PMEPA1: variants seen among roughly 807,000 people sequenced by gnomAD.
PMEPA1 encodes the protein protein TMEPAI.
In PMEPA1, 11 loss-of-function variants were observed where a neutral mutation model predicts 23.0. That is an observed-to-expected ratio of 0.48 (90% CI 0.30 to 0.79). The LOEUF is 0.79. Among genes scored for constraint, PMEPA1 ranks in the 30% least tolerant of loss-of-function variants. The pLI, the probability that PMEPA1 is intolerant of heterozygous loss-of-function variation, is 0.06. For synonymous variants in PMEPA1, 204 were observed against 166.4 expected, an observed-to-expected ratio of 1.23 and a Z score of -1.74; for missense variants, 377 against 390.9, an observed-to-expected ratio of 0.96 and a Z score of 0.30.
rs1255065061 is a variant in PMEPA1 at position 57,709,456 on chromosome 20, G to A, written c.109+18C>T. The stretch of plus-strand genomic sequence containing the variant: ...AGCCCGATGGAGTCTCCGGGGAGGG[G>A]GGCGTGGGGTCACTCACTGATCTCC... On this transcript the variant is annotated intron_variant, in intron 1 of 3. Transcript: ENST00000341744. 9.1e-7 allele frequency: 1 copy of A among 1,102,622 alleles called. No individual in the cohort carries two copies. Among genetic ancestry groups the A allele is most frequent in the South Asian group, 3.3e-5 (1 of 30,416 alleles). The allele number at this position is 1,102,622 out of a possible 1,614,324, so 68.3% of individuals were successfully genotyped here. A position where few individuals can be genotyped will look rare whatever the true frequency, so the allele number is the denominator to read the frequency against.
chr20:57,690,609 G>A (rs1399523107), intron 1 of PMEPA1: 2 of 1,224,780 alleles, frequency 1.6e-6, no homozygotes, highest in Non-Finnish European at 2.1e-6. Flanking sequence ...CAAACAGGTG[G>A]CAGGGGCCTG....
chr20:57,657,599 G>A (rs1600775177), intron 2 of PMEPA1, among the ~76,000 whole-genome samples: 1 of 152,248 alleles, frequency 6.6e-6, no homozygotes, highest in South Asian at 2.1e-4. Flanking sequence ...GGGACGCACA[G>A]TGGGCCCCGG....
At position 57,682,352 on chromosome 20, in the gene PMEPA1, C is replaced by G. The variant is rs1048602844; in HGVS notation, c.110-22655G>C. ...TGTGTGACCTTGGGCAAGCTGTTCT[C>G]TGAGCCTCGGTGGTTTCATCCATAA... On this transcript the variant is annotated intron_variant, in intron 1 of 3. Coordinates refer to ENST00000341744, the MANE Select transcript of PMEPA1 (RefSeq NM_020182.5). The surrounding 1 kb of genome is among the most constrained non-coding windows in gnomAD (Gnocchi z 4.4). Among the ~76,000 whole-genome samples, 2 of 152,214 alleles carry G rather than the reference C, an allele frequency of 1.3e-5. No homozygotes were observed. The highest frequency in any genetic ancestry group is 4.8e-5 in the African/African-American group (2 of 41,460).
intron 1 of PMEPA1, among the ~76,000 whole-genome samples, chr20:57,661,924 ACC>A (rs2071424508): frequency 3.2e-5 from 3 of 94,120 alleles, no homozygotes; most frequent in African/African-American, 1.4e-4. Flanking sequence ...CATCTGTGCC[ACC>A]CTCAGCGCGC....
At chr20:57,662,983 C>A (rs1234857235) in intron 1 of PMEPA1, among the ~76,000 whole-genome samples, 1 of 152,202 alleles carries the variant, frequency 6.6e-6, no homozygotes, top group Admixed American at 6.5e-5. Context: ...TCACGGCTCT[C>A]CTGGCCCCGC....
intron 1 of PMEPA1, among the ~76,000 whole-genome samples, chr20:57,694,527 T>C (rs191569099): frequency 6.0e-4 from 92 of 152,360 alleles, no homozygotes; most frequent in African/African-American, 2.1e-3. Context: ...TTCGGGTTTA[T>C]AGATTTCTTG....
At chr20:57,685,992 G>A (rs1456530965) in intron 1 of PMEPA1, among the ~76,000 whole-genome samples, 1 of 151,984 alleles carries the variant, frequency 6.6e-6, no homozygotes, top group Non-Finnish European at 1.5e-5. Context: ...CAGGGTTGGA[G>A]GTGGGCTGGC....
chr20:57,700,691 C>CCCAAG (rs1359210059), intron 1 of PMEPA1, among the ~76,000 whole-genome samples: 1 of 152,156 alleles, frequency 6.6e-6, no homozygotes, highest in Non-Finnish European at 1.5e-5. Flanking sequence ...AGAGCCATTT[C>CCCAAG]CCAAGCCCAC....
chr20:57,690,922 C>T (rs1392981206), intron 1 of PMEPA1, among the ~76,000 whole-genome samples: 1 of 152,190 alleles, frequency 6.6e-6, no homozygotes, highest in African/African-American at 2.4e-5. Flanking sequence ...GCCTGATAAA[C>T]GCTGATGCCT....
At chr20:57,668,043 GCCGGTTTT>G (rs1199264022) in intron 1 of PMEPA1, among the ~76,000 whole-genome samples, 1 of 152,182 alleles carries the variant, frequency 6.6e-6, no homozygotes, top group African/African-American at 2.4e-5. Context: ...GCAAATCTAG[GCCGGTTTT>G]CTCGTTTTTA....
chr20:57,657,210 C>A (rs1445574301), intron 2 of PMEPA1, among the ~76,000 whole-genome samples: 1 of 152,188 alleles, frequency 6.6e-6, no homozygotes, highest in Non-Finnish European at 1.5e-5. Flanking sequence ...GCCGCACAGG[C>A]CTAGCTTCAA....
intron 1 of PMEPA1, among the ~76,000 whole-genome samples, chr20:57,706,744 G>T (rs188866989): frequency 5.0e-4 from 76 of 152,276 alleles, no homozygotes; most frequent in Admixed American, 2.6e-3. Flanking sequence ...CCCTGGCCTG[G>T]GGCTGGTGTG....
chr20:57,668,800 G>A (rs1327638768), intron 1 of PMEPA1, among the ~76,000 whole-genome samples: 1 of 152,208 alleles, frequency 6.6e-6, no homozygotes, highest in Non-Finnish European at 1.5e-5. Flanking sequence ...CCCACCTCAG[G>A]ACCCTGGCAC....
chr20:57,650,451 C>T lies in PMEPA1; in HGVS notation c.*1602G>A, dbSNP rs2071209526. The T allele has an allele frequency of 6.6e-6, 1 of 152,266 alleles. No individual in the cohort carries two copies. Among genetic ancestry groups the T allele is most frequent in the Non-Finnish European group, 1.5e-5 (1 of 68,074 alleles). 9.4% of individuals were successfully genotyped at this position (152,266 alleles called of 1,614,324 possible). Reference sequence around the variant, plus strand: ...CACCCCTCATGCTCTCCTCTGGTCACCTCTATTTACGCTCACATGCCCCTT... The same window carrying T: ...CACCCCTCATGCTCTCCTCTGGTCATCTCTATTTACGCTCACATGCCCCTT... On this transcript the variant is annotated 3_prime_UTR_variant, in exon 4 of 4. Transcript: ENST00000341744.
chr20:57,677,508 T>G (rs1278341726), intron 1 of PMEPA1, among the ~76,000 whole-genome samples: 1 of 152,124 alleles, frequency 6.6e-6, no homozygotes, highest in African/African-American at 2.4e-5. Flanking sequence ...GGCCCTCGAT[T>G]AACATGTGAA....
intron 1 of PMEPA1, among the ~76,000 whole-genome samples, chr20:57,677,560 G>A (rs149937853): frequency 2.0e-5 from 3 of 152,128 alleles, no homozygotes; most frequent in Non-Finnish European, 2.9e-5. Flanking sequence ...CCCAGCACTC[G>A]CATCTTTCCA....
intron 1 of PMEPA1, among the ~76,000 whole-genome samples, chr20:57,665,639 A>G (rs2071482217): frequency 6.6e-6 from 1 of 152,162 alleles, no homozygotes; most frequent in Non-Finnish European, 1.5e-5. Flanking sequence ...TGGGGACAAA[A>G]AGCATCCCTC....
intron 1 of PMEPA1, among the ~76,000 whole-genome samples, chr20:57,695,993 TCCTCACC>T (rs2071938675): frequency 6.6e-6 from 1 of 152,152 alleles, no homozygotes; most frequent in Admixed American, 6.5e-5. Context: ...CTGGACTCTC[TCCTCACC>T]CCTCCTGGGG....
chr20:57,701,188 C>T (rs1458915057), intron 1 of PMEPA1, among the ~76,000 whole-genome samples: 1 of 152,098 alleles, frequency 6.6e-6, no homozygotes, highest in African/African-American at 2.4e-5. Flanking sequence ...ACAACAGGTA[C>T]ATATTAGAAT....
Sources: gnomAD v4.1 joint callset for allele counts (sites outside exome capture counted in the v4.1 genomes callset) on GRCh38, gnomAD v4.1.1 for gene constraint, Gnocchi (gnomAD v3.1) non-coding constraint, MANE v1.5 for transcripts, NCBI Gene and HGNC (gene_info 2026-07-23, HGNC 2026-07-21) for gene names.